The following LUZP2 variants were observed in gnomAD, a reference collection of about 807,000 sequenced individuals.
LUZP2 encodes the protein leucine zipper protein 2.
Under a neutral mutation model 51.6 loss-of-function variants are expected in LUZP2, and 52 were observed. The ratio of observed to expected loss-of-function variants is 1.01; its 90% CI spans 0.81 to 1.27. The LOEUF (loss-of-function observed/expected upper bound fraction) is 1.27, where lower values mean the gene tolerates loss of function less well. Among genes scored for constraint, LUZP2 ranks in the 50% most tolerant of loss-of-function variants. The probability of loss-of-function intolerance (pLI) is 0.00; values close to 1 mark genes in which losing one functional copy is unlikely to be tolerated. For synonymous variants in LUZP2, 154 were observed against 137.3 expected (o/e 1.12, Z -0.85); for missense variants, 436 against 395.4 (o/e 1.10, Z -0.87).
In LUZP2 at chr11:24,729,618, A is replaced by G. The variant is rs202032355; in HGVS notation, c.180+332A>G. 4.6e-5 allele frequency among the ~76,000 whole-genome samples: 7 copies of G among 151,952 alleles called. No homozygotes were observed. The East Asian group carries it at 1.4e-3, about 29-fold the overall frequency. Reference sequence around the variant, plus strand: ...AAATAAATATAGGAATGACTCCTAGAAGAGAATTTTAAATTCCCCACGGGA... The same window carrying G: ...AAATAAATATAGGAATGACTCCTAGGAGAGAATTTTAAATTCCCCACGGGA... On this transcript the variant is annotated intron_variant, in intron 2 of 11. Transcript: ENST00000336930.
chr11:25,006,103 C>T (rs1590826448), intron 9 of LUZP2, among the ~76,000 whole-genome samples: 1 of 115,292 alleles, frequency 8.7e-6, no homozygotes, highest in Non-Finnish European at 2.0e-5. Flanking sequence ...GATAGTCCCC[C>T]CTATGATTGT....
chr11:24,920,680 C>G (rs1854021053), intron 7 of LUZP2, among the ~76,000 whole-genome samples: 1 of 150,772 alleles, frequency 6.6e-6, no homozygotes, highest in East Asian at 1.9e-4. Context: ...GTGAAACAAC[C>G]CAGACACAGA....
intron 1 of LUZP2, among the ~76,000 whole-genome samples, chr11:24,664,472 A>G (rs1038821196): frequency 2.0e-5 from 3 of 152,158 alleles, no homozygotes; most frequent in Non-Finnish European, 4.4e-5. Flanking sequence ...CCAAGTGTTA[A>G]TCACCATGAC....
At chr11:24,895,760 A>G (rs918524105) in intron 5 of LUZP2, among the ~76,000 whole-genome samples, 2 of 152,198 alleles carry the variant, frequency 1.3e-5, no homozygotes, top group African/African-American at 4.8e-5. Flanking sequence ...GGCACCTAAG[A>G]TGATGCCATG....
chr11:24,616,281 A>G (rs1476380795), intron 1 of LUZP2, among the ~76,000 whole-genome samples: 1 of 152,050 alleles, frequency 6.6e-6, no homozygotes, highest in African/African-American at 2.4e-5. Context: ...CCATAGATCC[A>G]GAAGATTTCA....
chr11:25,024,024 T>C (rs775353519), intron 9 of LUZP2, among the ~76,000 whole-genome samples: 5 of 152,162 alleles, frequency 3.3e-5, no homozygotes, highest in African/African-American at 4.8e-5. Flanking sequence ...TCTGTTCTTT[T>C]ACATCTGCTG....
intron 3 of LUZP2, among the ~76,000 whole-genome samples, chr11:24,736,517 T>G (rs1428365352): frequency 8.5e-6 from 1 of 117,282 alleles, no homozygotes; most frequent in African/African-American, 3.1e-5. Context: ...CCTTCCTTCC[T>G]TCCTTCTCAG....
chr11:24,778,030 A>G (rs1848988115), intron 5 of LUZP2, among the ~76,000 whole-genome samples: 1 of 152,132 alleles, frequency 6.6e-6, no homozygotes, highest in African/African-American at 2.4e-5. Context: ...ATATTTCTAT[A>G]AGTATCATAA....
At chr11:24,530,752 C>A (rs1850965732) in intron 1 of LUZP2, among the ~76,000 whole-genome samples, 1 of 114,184 alleles carries the variant, frequency 8.8e-6, no homozygotes, top group Non-Finnish European at 1.8e-5. Flanking sequence ...TATTTGATTC[C>A]TTCTTCTTAC....
intron 5 of LUZP2, among the ~76,000 whole-genome samples, chr11:24,837,727 T>C (rs572174463): frequency 1.3e-5 from 2 of 151,772 alleles, no homozygotes; most frequent in South Asian, 4.1e-4. Flanking sequence ...AAAATGGATA[T>C]ATATTTGGGG....
intron 9 of LUZP2, among the ~76,000 whole-genome samples, chr11:25,022,976 G>A (rs911236543): frequency 6.6e-6 from 1 of 152,156 alleles, no homozygotes; most frequent in African/African-American, 2.4e-5. Flanking sequence ...TGTTGAACCA[G>A]CCTTGCATCC....
intron 1 of LUZP2, among the ~76,000 whole-genome samples, chr11:24,589,160 C>A (rs2133838161): frequency 6.6e-6 from 1 of 152,276 alleles, no homozygotes; most frequent in East Asian, 1.9e-4. Flanking sequence ...TGTTCTCTAG[C>A]TTTCTAATCA....
At chr11:24,555,371 G>A (rs1290147061) in intron 1 of LUZP2, among the ~76,000 whole-genome samples, 1 of 152,112 alleles carries the variant, frequency 6.6e-6, no homozygotes, top group Non-Finnish European at 1.5e-5. Flanking sequence ...TATGCTTGTT[G>A]TTTCTGTGCT....
At position 24,525,732 on chromosome 11, in the gene LUZP2, A is replaced by G. The variant is rs141542429; in HGVS notation, c.62+28427A>G. On this transcript the variant is annotated intron_variant, in intron 1 of 11. Coordinates refer to ENST00000336930, the MANE Select transcript of LUZP2 (RefSeq NM_001009909.4). ...TCTCTATATATATATATACACAGAT[A>G]TACACACACACAGTCCTCCTAAGCA... Among the ~76,000 whole-genome samples the G allele has an allele frequency of 5.4e-3, 819 of 151,520 alleles. 8 individuals carry two copies. The highest frequency in any genetic ancestry group is 0.019 in the African/African-American group (774 of 41,482).
intron 5 of LUZP2, among the ~76,000 whole-genome samples, chr11:24,852,780 G>T (rs1851436452): frequency 6.6e-6 from 1 of 152,100 alleles, no homozygotes; most frequent in South Asian, 2.1e-4. Context: ...TATATATTTA[G>T]GATAGTTATC....
In LUZP2 at chr11:24,683,695, C is replaced by G. The variant is rs149653044; in HGVS notation, c.63-45474C>G. Among the ~76,000 whole-genome samples the G allele has an allele frequency of 6.8e-4, 103 of 152,298 alleles. 3 individuals carry two copies. In the South Asian group the frequency reaches 0.014, roughly 21 times the overall value. On this transcript the variant is annotated intron_variant, in intron 1 of 11. Transcript: ENST00000336930. ...TAAGGAGATTTGGTTTATTTGACCTCATGGACATAATTTATATTTCTCTTC... is the reference window on the plus strand; with the variant it reads ...TAAGGAGATTTGGTTTATTTGACCTGATGGACATAATTTATATTTCTCTTC...
At chr11:24,505,531 AC>A (rs752459267) in intron 1 of LUZP2, among the ~76,000 whole-genome samples, 12 of 152,274 alleles carry the variant, frequency 7.9e-5, no homozygotes, top group South Asian at 4.1e-4. Context: ...CACTATATCG[AC>A]AGTCTACATT....
At chr11:24,628,629 G>T (rs1854768723) in intron 1 of LUZP2, among the ~76,000 whole-genome samples, 1 of 152,034 alleles carries the variant, frequency 6.6e-6, no homozygotes, top group African/African-American at 2.4e-5. Flanking sequence ...TGCCATCTCG[G>T]CTCACTGCAA....
chr11:24,607,341 C>CTTTTTTTTTTTTTTT (rs57741208), intron 1 of LUZP2, among the ~76,000 whole-genome samples: 3 of 63,410 alleles, frequency 4.7e-5, no homozygotes, highest in Non-Finnish European at 6.2e-5. Flanking sequence ...GATATTATGT[C>CTTTTTTTTTTTTTTT]TTTTTTTTTT....
Sources: gnomAD v4.1 joint callset for allele counts (sites outside exome capture counted in the v4.1 genomes callset) on GRCh38, gnomAD v4.1.1 for gene constraint, MANE v1.5 for transcripts, NCBI Gene and HGNC (gene_info 2026-07-23, HGNC 2026-07-21) for gene names.